Variants in PLEKHG1 observed in about 807,000 individuals in gnomAD.
PLEKHG1 encodes the protein pleckstrin homology and RhoGEF domain containing G1, also known as pleckstrin homology domain-containing family G member 1.
A neutral mutation model predicts 100.8 loss-of-function variants in PLEKHG1; 44 were observed. The ratio of observed to expected loss-of-function variants is 0.44; its 90% CI spans 0.34 to 0.56. The LOEUF (loss-of-function observed/expected upper bound fraction) is 0.56, where lower values mean the gene tolerates loss of function less well. Among genes scored for constraint, PLEKHG1 ranks in the 20% least tolerant of loss-of-function variants. The pLI is 0.01. For missense variants in PLEKHG1, 1,545 were observed against 1,720.9 expected (o/e 0.90, Z 1.81); for synonymous variants, 640 against 662.5 (o/e 0.97, Z 0.52).
Position 150,826,342 on chromosome 6 carries a change from C to T in PLEKHG1, c.1470+2666C>T, listed in dbSNP as rs1776607301. Among the ~76,000 whole-genome samples, 3 of 152,244 alleles carry T rather than the reference C, an allele frequency of 2.0e-5. No homozygotes were observed. The South Asian group carries it at 6.2e-4, about 32-fold the overall frequency. On this transcript the variant is annotated intron_variant, in intron 14 of 15. Transcript: ENST00000358517. ...GCATAGCGGCATGCACCTGTAGTCC[C>T]AGCTACTTGGGAGGCTGAGGCAGGA...
rs144969704 is a variant in PLEKHG1 at position 150,749,802 on chromosome 6, G to A, written c.411+15710G>A. 8.1e-4 allele frequency among the ~76,000 whole-genome samples: 123 copies of A among 152,272 alleles called. 1 individual carries two copies. The East Asian group carries it at 0.022, about 27-fold the overall frequency. On this transcript the variant is annotated intron_variant, in intron 2 of 15. Coordinates refer to ENST00000358517, the Ensembl canonical transcript of PLEKHG1. ...AAAATGCACCCAAAGGGCTGGGAGC[G>A]GTGGCTCATGCCTGTAATCCCAGCA...
chr6:150,758,364 T>G (rs1783966686), intron 2 of PLEKHG1, among the ~76,000 whole-genome samples: 1 of 151,922 alleles, frequency 6.6e-6, no homozygotes, highest in Non-Finnish European at 1.5e-5. Flanking sequence ...GAGACAGAGT[T>G]TTACTCTTGT....
intron 15 of PLEKHG1, among the ~76,000 whole-genome samples, chr6:150,838,590 G>A (rs1777353077): frequency 6.6e-6 from 1 of 152,172 alleles, no homozygotes; most frequent in Non-Finnish European, 1.5e-5. Context: ...GGCAGATCTT[G>A]AAATTGTCAT....
chr6:150,817,433 G>T (rs1036666067), intron 10 of PLEKHG1, among the ~76,000 whole-genome samples: 2 of 152,098 alleles, frequency 1.3e-5, no homozygotes, highest in African/African-American at 4.8e-5. Context: ...CAGCCATTTT[G>T]CAATTAACTC....
At chr6:150,689,454 A>G (rs1278009128) in intron 3 of PLEKHG1, among the ~76,000 whole-genome samples, 1 of 152,246 alleles carries the variant, frequency 6.6e-6, no homozygotes, top group Non-Finnish European at 1.5e-5. Context: ...CTTTGTTAAA[A>G]AAATCTTTTT....
chr6:150,800,498 C>G (rs1447355988), intron 5 of PLEKHG1, among the ~76,000 whole-genome samples: 1 of 152,168 alleles, frequency 6.6e-6, no homozygotes. Flanking sequence ...ACTTAGAAGC[C>G]ATGAGCCCAG....
At chr6:150,619,809 G>A (rs1369706765) in intron 1 of PLEKHG1, among the ~76,000 whole-genome samples, 1 of 152,184 alleles carries the variant, frequency 6.6e-6, no homozygotes, top group Admixed American at 6.5e-5. Context: ...CCAGGGCTTA[G>A]GATAGCGCTA....
At position 150,809,757 on chromosome 6, in the gene PLEKHG1, G is replaced by A. The variant is rs542976045; in HGVS notation, c.1278+23G>A. On this transcript the variant is annotated intron_variant, in intron 10 of 15. Transcript: ENST00000358517. ...AAGGTAGGACACTGAATAATGCACA[G>A]TGAAATGGGAGAGAGATACAAGAAT... is the stretch of plus-strand genomic sequence containing the variant. The A allele has an allele frequency of 7.1e-5, 109 of 1,545,428 alleles. No individual in the cohort carries two copies. In the South Asian group the frequency reaches 1.1e-3, roughly 16 times the overall value.
intron 3 of PLEKHG1, among the ~76,000 whole-genome samples, chr6:150,782,710 G>T (rs1002797348): frequency 6.6e-6 from 1 of 152,256 alleles, no homozygotes; most frequent in East Asian, 1.9e-4. Flanking sequence ...TTTGCAAAAA[G>T]GGGAAATAAT....
At chr6:150,787,383 A>G (rs1472737805) in intron 4 of PLEKHG1, among the ~76,000 whole-genome samples, 6 of 152,226 alleles carry the variant, frequency 3.9e-5, no homozygotes, top group Non-Finnish European at 5.9e-5. Context: ...ACCCTTTCCT[A>G]CAATGTGGCC....
At chr6:150,610,807 G>A (rs975791411) in intron 1 of PLEKHG1, among the ~76,000 whole-genome samples, 1 of 152,138 alleles carries the variant, frequency 6.6e-6, no homozygotes, top group African/African-American at 2.4e-5. Context: ...AATAAATGTG[G>A]GGCTCTGTAA....
At chr6:150,823,330 G>C (rs901447825) in intron 13 of PLEKHG1, among the ~76,000 whole-genome samples, 4 of 152,302 alleles carry the variant, frequency 2.6e-5, no homozygotes, top group African/African-American at 7.2e-5. Flanking sequence ...ATGGCATGGG[G>C]CATGTGCAAT....
chr6:150,645,114 T>A (rs1179591428), intron 2 of PLEKHG1, among the ~76,000 whole-genome samples: 1 of 152,212 alleles, frequency 6.6e-6, no homozygotes, highest in Non-Finnish European at 1.5e-5. Context: ...GCAGTGTGAT[T>A]TTGGCAATAG....
At chr6:150,705,392 CCT>C (rs776231047) in intron 3 of PLEKHG1, among the ~76,000 whole-genome samples, 3 of 152,208 alleles carry the variant, frequency 2.0e-5, no homozygotes, top group South Asian at 2.1e-4. Context: ...ACAAGAATCC[CCT>C]GTTCTCTGAC....
rs116417120 is a variant in PLEKHG1, at chr6:150,653,123, G to A, written c.-99+2337G>A. Among the ~76,000 whole-genome samples, 141 of 152,202 alleles carry A rather than the reference G, an allele frequency of 9.3e-4. 1 individual carries two copies. Among genetic ancestry groups the A allele is most frequent in the African/African-American group, 3.2e-3 (133 of 41,502 alleles). On this transcript the variant is annotated intron_variant, in intron 3 of 3. Coordinates refer to the PLEKHG1 transcript ENST00000367326. ...CTTGAAAATCAATAGGTTCTGGTCT[G>A]GAGCTGACTTATTCATTAGTCACAG...
At chr6:150,733,112 T>C (rs1184634689) in intron 1 of PLEKHG1, among the ~76,000 whole-genome samples, 1 of 152,206 alleles carries the variant, frequency 6.6e-6, no homozygotes, top group East Asian at 1.9e-4. Context: ...TCAAGGTTTT[T>C]CAAAATTCCG....
chr6:150,661,489 T>C (rs1307039420), intron 3 of PLEKHG1, among the ~76,000 whole-genome samples: 1 of 152,224 alleles, frequency 6.6e-6, no homozygotes, highest in Non-Finnish European at 1.5e-5. Flanking sequence ...CATAAAGCTA[T>C]GCATGTGAAG....
intron 2 of PLEKHG1, among the ~76,000 whole-genome samples, chr6:150,749,907 A>G (rs970032391): frequency 3.3e-5 from 5 of 152,042 alleles, no homozygotes; most frequent in Admixed American, 6.6e-5. Context: ...CCCCGTCTCT[A>G]CTAAAAAGAC....
At chr6:150,678,087 T>TGC (rs1206322661) in intron 3 of PLEKHG1, among the ~76,000 whole-genome samples, 14 of 141,308 alleles carry the variant, frequency 9.9e-5, no homozygotes, top group Non-Finnish European at 2.0e-4. Context: ...TATATATATA[T>TGC]ATATATATAT....
Sources: gnomAD v4.1 joint callset for allele counts (sites outside exome capture counted in the v4.1 genomes callset) on GRCh38, gnomAD v4.1.1 for gene constraint, MANE v1.5 for transcripts, NCBI Gene and HGNC (gene_info 2026-07-23, HGNC 2026-07-21) for gene names.